Variants in KIAA1328 observed in about 807,000 individuals in gnomAD.
The protein encoded by KIAA1328 is protein hinderin.
A neutral mutation model predicts 68.1 loss-of-function variants in KIAA1328; 52 were observed. That is an observed-to-expected ratio of 0.76 (90% CI 0.61 to 0.96). The LOEUF (loss-of-function observed/expected upper bound fraction) is 0.96, where lower values mean the gene tolerates loss of function less well. Among genes scored for constraint, KIAA1328 ranks in the 40% least tolerant of loss-of-function variants. KIAA1328 has a pLI of 0.00. For synonymous variants in KIAA1328, 232 were observed against 239.4 expected, an observed-to-expected ratio of 0.97 and a Z score of 0.28; for missense variants, 641 against 677.6, an observed-to-expected ratio of 0.95 and a Z score of 0.60.
At chr18:36,890,808 C>T (rs1453468887) in intron 5 of KIAA1328, among the ~76,000 whole-genome samples, 2 of 152,138 alleles carry the variant, frequency 1.3e-5, no homozygotes, top group Admixed American at 1.3e-4. Flanking sequence ...AAAATGATAT[C>T]AGATATTCTC....
chr18:37,181,308 T>C (rs1232284662), intron 9 of KIAA1328, among the ~76,000 whole-genome samples: 1 of 152,122 alleles, frequency 6.6e-6, no homozygotes, highest in East Asian at 1.9e-4. Context: ...TAAACATGCC[T>C]GTCTCCCATG....
chr18:36,907,869 T>G (rs909450843), intron 5 of KIAA1328, among the ~76,000 whole-genome samples: 1 of 152,178 alleles, frequency 6.6e-6, no homozygotes, highest in African/African-American at 2.4e-5. Flanking sequence ...AGAAACTCTC[T>G]GAGCCTGGAG....
At chr18:37,130,162 A>C (rs72894323) in intron 7 of KIAA1328, among the ~76,000 whole-genome samples, 20,286 of 152,198 alleles carry the variant, frequency 0.13, 1,730 homozygotes, top group Non-Finnish European at 0.18. Flanking sequence ...TTTATGTATA[A>C]TATATAGCAT....
intron 5 of KIAA1328, among the ~76,000 whole-genome samples, chr18:36,925,535 T>A (rs1271645094): frequency 6.6e-6 from 1 of 151,984 alleles, no homozygotes; most frequent in Non-Finnish European, 1.5e-5. Flanking sequence ...TTCAAAAAAA[T>A]TTGGTTCTTT....
chr18:36,843,750 A>AGCTATT (rs1382756978), intron 3 of KIAA1328, among the ~76,000 whole-genome samples: 1 of 152,188 alleles, frequency 6.6e-6, no homozygotes, highest in African/African-American at 2.4e-5. Context: ...TGTAATTGTT[A>AGCTATT]GCTATTGCTA....
At chr18:36,971,593 C>T (rs1419335608) in intron 6 of KIAA1328, among the ~76,000 whole-genome samples, 1 of 152,126 alleles carries the variant, frequency 6.6e-6, no homozygotes, top group African/African-American at 2.4e-5. Flanking sequence ...TACACCATTG[C>T]ACTCCACCCT....
chr18:36,954,130 G>A (rs2051299471), intron 5 of KIAA1328, among the ~76,000 whole-genome samples: 2 of 150,902 alleles, frequency 1.3e-5, no homozygotes, highest in African/African-American at 4.9e-5. Context: ...AGTCTCCCGA[G>A]TAGCTGGGAC....
At chr18:37,053,792 C>G (rs2055798324) in intron 6 of KIAA1328, among the ~76,000 whole-genome samples, 1 of 152,088 alleles carries the variant, frequency 6.6e-6, no homozygotes, top group South Asian at 2.1e-4. Flanking sequence ...TCACCTCCCA[C>G]AAGGTTCCTC....
At chr18:36,989,849 C>T (rs994298885) in intron 6 of KIAA1328, among the ~76,000 whole-genome samples, 11 of 152,130 alleles carry the variant, frequency 7.2e-5, no homozygotes, top group African/African-American at 2.7e-4. Flanking sequence ...TGCCCGCCAC[C>T]ACGCTCAGCT....
At chr18:37,153,624 CTT>C (rs772159270) in intron 7 of KIAA1328, among the ~76,000 whole-genome samples, 9 of 95,660 alleles carry the variant, frequency 9.4e-5, no homozygotes, top group African/African-American at 3.3e-4. Context: ...AATCCAATAG[CTT>C]TTTTTTTTTT....
intron 9 of KIAA1328, among the ~76,000 whole-genome samples, chr18:37,177,310 G>T (rs1217369791): frequency 6.6e-6 from 1 of 152,140 alleles, no homozygotes; most frequent in African/African-American, 2.4e-5. Context: ...GGTGGAGTTT[G>T]TATTTTTCAG....
intron 3 of KIAA1328, among the ~76,000 whole-genome samples, chr18:36,840,159 T>G (rs1183783860): frequency 6.6e-6 from 1 of 152,182 alleles, no homozygotes; most frequent in Non-Finnish European, 1.5e-5. Context: ...CTGAAAACTC[T>G]CCACAGCAGT....
intron 5 of KIAA1328, among the ~76,000 whole-genome samples, chr18:36,903,414 C>T (rs2049106770): frequency 6.6e-6 from 1 of 152,138 alleles, no homozygotes; most frequent in African/African-American, 2.4e-5. Flanking sequence ...GTTCTCTGCT[C>T]AGTTTTGTGG....
At chr18:37,195,140 G>A (rs1013595715) in intron 9 of KIAA1328, among the ~76,000 whole-genome samples, 1 of 152,060 alleles carries the variant, frequency 6.6e-6, no homozygotes, top group Non-Finnish European at 1.5e-5. Context: ...TAGCTAGTTT[G>A]AACTATATTA....
intron 7 of KIAA1328, among the ~76,000 whole-genome samples, chr18:37,122,321 T>C (rs1027315054): frequency 2.6e-5 from 4 of 152,052 alleles, no homozygotes; most frequent in African/African-American, 4.8e-5. Context: ...TGGAAGATAA[T>C]GGGCTTTGGA....
intron 7 of KIAA1328, among the ~76,000 whole-genome samples, chr18:37,152,096 T>TA (rs376117913): frequency 0.16 from 13,515 of 84,436 alleles, 1,170 homozygotes; most frequent in African/African-American, 0.29. Flanking sequence ...TGGACCTATG[T>TA]AAAAAAAAAA....
intron 5 of KIAA1328, among the ~76,000 whole-genome samples, chr18:36,891,405 T>C (rs1029986608): frequency 6.6e-6 from 1 of 152,204 alleles, no homozygotes; most frequent in African/African-American, 2.4e-5. Flanking sequence ...CACCTGTCAC[T>C]GGAGCAGTGT....
intron 4 of KIAA1328, among the ~76,000 whole-genome samples, chr18:36,873,532 A>G (rs2048017322): frequency 6.6e-6 from 1 of 152,178 alleles, no homozygotes; most frequent in Non-Finnish European, 1.5e-5. Flanking sequence ...GATCAAGGCT[A>G]TACTTGAGGA....
downstream of KIAA1328, among the ~76,000 whole-genome samples, chr18:37,228,737 T>A (rs1040274165): frequency 3.3e-5 from 5 of 151,952 alleles, no homozygotes; most frequent in African/African-American, 1.2e-4. Flanking sequence ...GGAAAATCTC[T>A]TGAACCTGGG....
Sources: allele counts gnomAD v4.1 joint callset (sites outside exome capture counted in the v4.1 genomes callset), GRCh38; gene constraint gnomAD v4.1.1; transcripts MANE v1.5; gene names NCBI Gene and HGNC (gene_info 2026-07-23, HGNC 2026-07-21).